The following PTPN4 variants were observed in gnomAD, a reference collection of about 807,000 sequenced individuals.
The protein encoded by PTPN4 is protein tyrosine phosphatase non-receptor type 4, also known as tyrosine-protein phosphatase non-receptor type 4.
A neutral mutation model predicts 135.5 loss-of-function variants in PTPN4; 49 were observed. The observed-to-expected ratio is 0.36, with a 90% CI of 0.29 to 0.46. The LOEUF (loss-of-function observed/expected upper bound fraction) is 0.46, where lower values mean the gene tolerates loss of function less well. PTPN4 is among the 20% of genes least tolerant of loss of function. The pLI, the probability that PTPN4 is intolerant of heterozygous loss-of-function variation, is 1.00. For missense variants in PTPN4, 860 were observed against 1,101.0 expected, an observed-to-expected ratio of 0.78 and a Z score of 3.10; for synonymous variants, 333 against 369.9, an observed-to-expected ratio of 0.90 and a Z score of 1.14.
At chr2:119,774,841 A>G (rs1411103104) in intron 1 of PTPN4, among the ~76,000 whole-genome samples, 1 of 151,922 alleles carries the variant, frequency 6.6e-6, no homozygotes, top group African/African-American at 2.4e-5. Context: ...TCTGACCAAC[A>G]AGGTGAAACC....
At chr2:119,845,249 AGG>A (rs1412995286) in intron 2 of PTPN4, among the ~76,000 whole-genome samples, 1 of 15,018 alleles carries the variant, frequency 6.7e-5, no homozygotes, top group Non-Finnish European at 1.4e-4. Flanking sequence ...GGAGAGGGGG[AGG>A]GGGAGGGGGA....
At chr2:119,972,046 T>C (rs1252214986) in intron 26 of PTPN4, among the ~76,000 whole-genome samples, 1 of 152,244 alleles carries the variant, frequency 6.6e-6, no homozygotes, top group Non-Finnish European at 1.5e-5. Flanking sequence ...TTACTGTAGC[T>C]TTGTTGTAAA....
At chr2:119,908,880 C>G (rs1271749439) in intron 10 of PTPN4, among the ~76,000 whole-genome samples, 1 of 152,090 alleles carries the variant, frequency 6.6e-6, no homozygotes, top group Non-Finnish European at 1.5e-5. Flanking sequence ...AGTGAAACAG[C>G]CTTATTGTTG....
At chr2:119,803,522 C>G (rs1396983006) in intron 1 of PTPN4, among the ~76,000 whole-genome samples, 1 of 152,152 alleles carries the variant, frequency 6.6e-6, no homozygotes, top group Non-Finnish European at 1.5e-5. Flanking sequence ...CCATTGTTCT[C>G]AGAATACATT....
rs975821265 is a variant in PTPN4, at chr2:119,980,303, GGA to G, written c.*3234_*3235del. The G allele has an allele frequency of 2.6e-5, 4 of 152,184 alleles. No individual in the cohort carries two copies. The highest frequency in any genetic ancestry group is 9.6e-5 in the African/African-American group (4 of 41,556). 9.4% of individuals were successfully genotyped at this position (152,184 alleles called of 1,614,324 possible). ...TTTCACAAAGGCTAATGCCCACAGA[GGA>G]AAATGATTATTTTAACTTCTGGGTT... On this transcript the variant is annotated 3_prime_UTR_variant, in exon 27 of 27. Transcript: ENST00000263708.
intron 1 of PTPN4, among the ~76,000 whole-genome samples, chr2:119,782,421 A>C (rs988171862): frequency 2.0e-5 from 3 of 152,174 alleles, no homozygotes; most frequent in African/African-American, 7.2e-5. Flanking sequence ...TCCGTCTAAA[A>C]AACGAAAAGA....
chr2:119,844,377 G>A (rs1477227219), intron 2 of PTPN4, among the ~76,000 whole-genome samples: 18 of 149,418 alleles, frequency 1.2e-4, no homozygotes, highest in African/African-American at 4.2e-4. Flanking sequence ...CCTCCCGGAC[G>A]GGGTGGCTGC....
intron 10 of PTPN4, among the ~76,000 whole-genome samples, chr2:119,904,626 G>T (rs1678458239): frequency 6.6e-6 from 1 of 152,154 alleles, no homozygotes; most frequent in Non-Finnish European, 1.5e-5. Context: ...ATCAGAGACA[G>T]AAGTCTAAAA....
chr2:119,920,288 C>T, intron 12 of PTPN4, 47 bp downstream of exon 12: 1 of 1,517,288 alleles, frequency 6.6e-7, no homozygotes, highest in Non-Finnish European at 8.9e-7. Flanking sequence ...ATTTTGTTTC[C>T]TTTCTTTAAA....
chr2:119,857,925 A>G (rs1170641475), intron 2 of PTPN4, among the ~76,000 whole-genome samples: 4 of 152,178 alleles, frequency 2.6e-5, no homozygotes, highest in Non-Finnish European at 5.9e-5. Context: ...GAAGGCAATT[A>G]GATCATGGGA....
At chr2:119,946,002 T>TA (rs1267078750) in intron 16 of PTPN4, among the ~76,000 whole-genome samples, 1 of 152,132 alleles carries the variant, frequency 6.6e-6, no homozygotes, top group Non-Finnish European at 1.5e-5. Context: ...ATGTAACACT[T>TA]ATGAGCACCC....
intron 18 of PTPN4, among the ~76,000 whole-genome samples, chr2:119,949,005 A>G (rs1337902645): frequency 1.3e-5 from 2 of 152,156 alleles, no homozygotes; most frequent in South Asian, 2.1e-4. Flanking sequence ...GTAATAGTCA[A>G]TGACTCACAC....
chr2:119,797,481 G>A (rs1047658681), intron 1 of PTPN4, among the ~76,000 whole-genome samples: 1 of 152,164 alleles, frequency 6.6e-6, no homozygotes, highest in Non-Finnish European at 1.5e-5. Context: ...TTTTGTTCCT[G>A]ATATTAGATG....
chr2:119,825,495 C>CTT (rs891070534), intron 2 of PTPN4, among the ~76,000 whole-genome samples: 3,179 of 129,218 alleles, frequency 0.025, 138 homozygotes, highest in African/African-American at 0.081. Flanking sequence ...GAACCCAAGC[C>CTT]TTTTTTTTTT....
intron 15 of PTPN4, among the ~76,000 whole-genome samples, chr2:119,944,473 T>G (rs1679105312): frequency 6.6e-6 from 1 of 152,232 alleles, no homozygotes; most frequent in Admixed American, 6.5e-5. Context: ...TATCAATTCC[T>G]GTTGCCACAA....
rs1240728599 is a variant in PTPN4, at chr2:119,960,960, C to T, written c.2280+7C>T. The T allele has an allele frequency of 6.2e-7, 1 of 1,609,788 alleles. No homozygotes were observed. The highest frequency in any genetic ancestry group is 1.3e-5 in the African/African-American group (1 of 74,786). ...ACAAGTTGAACGTGGCAGAGTAAGT[C>T]ATAGTTGAATCTTACACATTGCTTG... On this transcript the variant is annotated splice_region_variant and intron_variant, in intron 23 of 26. Transcript: ENST00000263708.
chr2:119,938,904 CT>C (rs1679023713), intron 15 of PTPN4, among the ~76,000 whole-genome samples: 1 of 151,962 alleles, frequency 6.6e-6, no homozygotes, highest in African/African-American at 2.4e-5. Context: ...TTTGCAGTTA[CT>C]TTGTTTTAGA....
At chr2:119,966,895 C>T (rs1047589442) in intron 25 of PTPN4, among the ~76,000 whole-genome samples, 1 of 152,204 alleles carries the variant, frequency 6.6e-6, no homozygotes, top group Non-Finnish European at 1.5e-5. Context: ...ACAGTTGTTC[C>T]TCCCTATTAC....
intron 2 of PTPN4, among the ~76,000 whole-genome samples, chr2:119,818,598 G>A (rs1677022190): frequency 6.6e-6 from 1 of 152,120 alleles, no homozygotes; most frequent in African/African-American, 2.4e-5. Context: ...TAAAGAGAAT[G>A]TACAACAGAG....
Sources: allele counts gnomAD v4.1 joint callset (sites outside exome capture counted in the v4.1 genomes callset), GRCh38; gene constraint gnomAD v4.1.1; transcripts MANE v1.5; gene names NCBI Gene and HGNC (gene_info 2026-07-23, HGNC 2026-07-21).